DNAH5: variants seen among roughly 807,000 people sequenced by gnomAD.
DNAH5 encodes the protein dynein axonemal heavy chain 5.
A neutral mutation model predicts 518.2 loss-of-function variants in DNAH5; 372 were observed. The ratio of observed to expected loss-of-function variants is 0.72; its 90% confidence interval spans 0.66 to 0.78. The LOEUF (loss-of-function observed/expected upper bound fraction) is 0.78. Among genes scored for constraint, DNAH5 ranks in the 30% least tolerant of loss-of-function variants. The pLI is 0.00. For synonymous variants in DNAH5, 2,039 were observed against 2,025.9 expected, an observed-to-expected ratio of 1.01 and a Z score of -0.17; for missense variants, 5,523 against 5,687.0, an observed-to-expected ratio of 0.97 and a Z score of 0.93.
chr5:13,852,621 T>G (rs1767040013), intron 30 of DNAH5, among the ~76,000 whole-genome samples: 1 of 152,168 alleles, frequency 6.6e-6, no homozygotes, highest in African/African-American at 2.4e-5. Flanking sequence ...ATCCACTGGC[T>G]TGAAATTCTC....
chr5:13,911,002 C>G (rs771602574), intron 12 of DNAH5, among the ~76,000 whole-genome samples: 5 of 152,210 alleles, frequency 3.3e-5, no homozygotes, highest in African/African-American at 4.8e-5. Flanking sequence ...GCCTTGGAAT[C>G]TGCCAGACAT....
At chr5:13,809,559 T>C (rs1479677408) in intron 45 of DNAH5, among the ~76,000 whole-genome samples, 1 of 152,204 alleles carries the variant, frequency 6.6e-6, no homozygotes, top group African/African-American at 2.4e-5. Flanking sequence ...GATCCTAGGC[T>C]GATGCATATG....
intron 22 of DNAH5, among the ~76,000 whole-genome samples, chr5:13,875,549 T>G (rs1464407952): frequency 6.6e-6 from 1 of 152,024 alleles, no homozygotes; most frequent in South Asian, 2.1e-4. Context: ...TCCTCTTAGA[T>G]TTTCATAATA....
chr5:13,718,361 C>T (rs933627651), intron 72 of DNAH5, among the ~76,000 whole-genome samples: 1 of 152,148 alleles, frequency 6.6e-6, no homozygotes, highest in African/African-American at 2.4e-5. Context: ...CTTTTCATGA[C>T]CACAAGCCCC....
chr5:13,871,604 C>A lies in DNAH5; in HGVS notation c.3558G>T (p.Glu1186Asp), dbSNP rs1770112759. The A allele has an allele frequency of 7.4e-6, 12 of 1,613,592 alleles. No homozygotes were observed. The highest frequency in any genetic ancestry group is 1.3e-5 in the African/African-American group (1 of 74,868). ...FQNLEQEINA[E>D]PEYVCVGSIA... ...TGGAACCCACACAGACATATTCAGG[C>A]TCAGCATTAATTTCCTGCTCTAGGT... The change falls in exon 23 of 79, where the codon GAG (glutamate) becomes GAT (aspartate). Residue 1186 changes from glutamate to aspartate, a missense_variant. By Grantham distance (45) the Glu-to-Asp change is conservative (BLOSUM62 2). Around this residue, in one of 3 missense-constraint regions of DNAH5, gnomAD observed 5,121 missense variants for 5,223.3 expected, o/e 0.98. Transcript: ENST00000265104.
intron 4 of DNAH5, among the ~76,000 whole-genome samples, chr5:13,922,566 A>T (rs933246530): frequency 2.0e-5 from 3 of 151,816 alleles, no homozygotes; most frequent in Non-Finnish European, 2.9e-5. Flanking sequence ...ATCTCTACTA[A>T]ACATACAAAA....
chr5:13,756,738 T>C (rs1751044050), intron 61 of DNAH5, among the ~76,000 whole-genome samples: 1 of 152,234 alleles, frequency 6.6e-6, no homozygotes, highest in Admixed American at 6.5e-5. Context: ...GGGGTATGTG[T>C]ACAGGTTTGT....
chr5:13,960,491 C>A (rs963998419), intron 1 of DNAH5, among the ~76,000 whole-genome samples: 1 of 152,200 alleles, frequency 6.6e-6, no homozygotes, highest in African/African-American at 2.4e-5. Context: ...GGAACACAGA[C>A]GTATTTATTC....
chr5:13,760,024 T>C (rs1046481140), intron 60 of DNAH5, among the ~76,000 whole-genome samples: 1 of 152,178 alleles, frequency 6.6e-6, no homozygotes, highest in Non-Finnish European at 1.5e-5. Flanking sequence ...AAGTTACAAT[T>C]TAAAAAGAAC....
intron 78 of DNAH5, among the ~76,000 whole-genome samples, chr5:13,698,360 A>G (rs57652553): frequency 0.024 from 3,670 of 152,280 alleles, 130 homozygotes; most frequent in African/African-American, 0.077. Context: ...CTCATTATAC[A>G]CAGTAGTTAT....
chr5:13,982,377 T>C (rs1171410839), intron 1 of DNAH5, among the ~76,000 whole-genome samples: 11 of 152,264 alleles, frequency 7.2e-5, no homozygotes, highest in Admixed American at 6.5e-4. Flanking sequence ...AGTAGACATA[T>C]GCACTATTGC....
rs1448696177 is a variant in DNAH5, at chr5:13,922,218, C to G, written c.549G>C (p.Trp183Cys). The G allele has an allele frequency of 1.2e-6, 2 of 1,613,950 alleles. No individual in the cohort carries two copies. The highest frequency in any genetic ancestry group is 3.3e-5 in the Admixed American group (2 of 60,000). ...CGTCCTGAAGGCCCTCGAGCTCGCCCCAGCCATGGCTCGTGGCTCTGAGAG... is the reference window on the plus strand; with the variant it reads ...CGTCCTGAAGGCCCTCGAGCTCGCCGCAGCCATGGCTCGTGGCTCTGAGAG... ...IPALRATSHG[W>C]GELEGLQDAA... The change falls in exon 5 of 79, where the codon TGG becomes TGC. Residue 183 changes from tryptophan to cysteine, a missense_variant. Physicochemically the swap from Trp to Cys is radical, Grantham distance 215. Transcript: ENST00000265104.
chr5:13,786,095 T>G, intron 52 of DNAH5, 84 bp downstream of exon 52: 1 of 1,363,582 alleles, frequency 7.3e-7, no homozygotes, highest in Non-Finnish European at 1.0e-6. Flanking sequence ...TCCTAGGAAA[T>G]GAAAATAAGA....
chr5:13,818,127 G>A lies in DNAH5; in HGVS notation c.6842-433C>T, dbSNP rs79601159. ...ATGTTTTCTTGCTCACCTTGAAAAC[G>A]ATAAGCTAAATGAATTTTGCATGAA... On this transcript the variant is annotated intron_variant, in intron 41 of 78. Transcript: ENST00000265104. Among the ~76,000 whole-genome samples the A allele has an allele frequency of 9.0e-3, 1,376 of 152,234 alleles. 22 individuals carry two copies. The highest frequency in any genetic ancestry group is 0.031 in the African/African-American group (1,297 of 41,536).
At chr5:13,922,623 A>G (rs1777436995) in intron 4 of DNAH5, among the ~76,000 whole-genome samples, 1 of 151,136 alleles carries the variant, frequency 6.6e-6, no homozygotes, top group Non-Finnish European at 1.5e-5. Context: ...GCTACTCAGG[A>G]GGCTGAGGCA....
At chr5:13,766,463 GA>G (rs1374982584) in intron 58 of DNAH5, among the ~76,000 whole-genome samples, 9 of 152,292 alleles carry the variant, frequency 5.9e-5, no homozygotes, top group East Asian at 3.9e-4. Context: ...CCAGAAAAAA[GA>G]AAGGCATAAT....
At position 13,928,077 on chromosome 5, in the gene DNAH5, A is replaced by G; in HGVS notation, c.277+17T>C. 1.3e-6 allele frequency: 2 copies of G among 1,598,538 alleles called. No homozygotes were observed. The stretch of plus-strand genomic sequence containing the variant: ...TAATAACACATTTCTGGGTTATGTC[A>G]CATCAAATTCAGATACCTGTTTCTG... On this transcript the variant is annotated intron_variant, in intron 3 of 78. Coordinates refer to ENST00000265104, the MANE Select transcript of DNAH5 (RefSeq NM_001369.3).
rs1167177734 is a variant in DNAH5 at position 13,820,421 on chromosome 5, G to A, written c.6766C>T (p.His2256Tyr). 6.2e-7 allele frequency: 1 copy of A among 1,613,854 alleles called. No individual in the cohort carries two copies. Among genetic ancestry groups the A allele is most frequent in the African/African-American group, 1.3e-5 (1 of 74,908 alleles). Residue 2256 changes from histidine (H) to tyrosine (Y), a missense_variant, in exon 41 of 79, where the codon CAT becomes TAT. This residue lies in a region of DNAH5 where 5,121 missense variants were observed against 5,223.3 expected (regional missense o/e 0.98). Transcript: ENST00000265104. Reference protein sequence around the residue: ...IQLFETQRVRHGMMTLGPSGA... With the variant: ...IQLFETQRVRYGMMTLGPSGA... ...CTGGGCCCCAGAGTCATCATCCCAT[G>A]TCGCACTCTCTGCGTTTCGAATAGC...
At chr5:13,840,181 G>A (rs1764969609) in intron 34 of DNAH5, among the ~76,000 whole-genome samples, 1 of 152,176 alleles carries the variant, frequency 6.6e-6, no homozygotes, top group South Asian at 2.1e-4. Context: ...CAGGAGATTA[G>A]CACACAATAG....
Sources: gnomAD v4.1 joint callset for allele counts (sites outside exome capture counted in the v4.1 genomes callset) on GRCh38, gnomAD v4.1.1 for gene constraint, gnomAD v4.1.1 regional missense constraint, MANE v1.5 for transcripts, NCBI Gene and HGNC (gene_info 2026-07-23, HGNC 2026-07-21) for gene names.